Variants in PHF24 observed in about 807,000 individuals in gnomAD.
PHF24 encodes the protein PHD finger protein 24.
A neutral mutation model predicts 42.6 loss-of-function variants in PHF24; 25 were observed. The ratio of observed to expected loss-of-function variants is 0.59; its 90% CI spans 0.43 to 0.82. The LOEUF is 0.82. Ranked by LOEUF, PHF24 falls within the 40% of genes least tolerant of loss-of-function variation. The pLI is 0.00. For synonymous variants in PHF24, 185 were observed against 204.8 expected, an observed-to-expected ratio of 0.90 and a Z score of 0.83; for missense variants, 470 against 538.1, an observed-to-expected ratio of 0.87 and a Z score of 1.25.
At chr9:34,731,906 A>G in the PHF24 span, among the ~76,000 whole-genome samples, 1 of 151,790 alleles carries the variant, frequency 6.6e-6, no homozygotes, top group African/African-American at 2.4e-5. Flanking sequence ...GCTGGAGTGC[A>G]GTGGCGTGAT....
At chr9:34,762,581 T>C in the PHF24 span, among the ~76,000 whole-genome samples, 4,768 of 142,358 alleles carry the variant, frequency 0.033, 114 homozygotes, top group East Asian at 0.12. Context: ...GAGTTCATTG[T>C]AGATTCTGGA....
At chr9:34,949,614 G>A in the PHF24 span, among the ~76,000 whole-genome samples, 1 of 152,166 alleles carries the variant, frequency 6.6e-6, no homozygotes, top group African/African-American at 2.4e-5. Flanking sequence ...GCCCATCAGT[G>A]ATAGACTGGA....
the PHF24 span, among the ~76,000 whole-genome samples, chr9:34,880,862 A>C: frequency 2.6e-5 from 4 of 152,336 alleles, no homozygotes; most frequent in East Asian, 7.7e-4. Flanking sequence ...CAGACCTAAT[A>C]GATATCTACA....
the PHF24 span, among the ~76,000 whole-genome samples, chr9:34,867,436 CTT>C: frequency 9.6e-5 from 1 of 10,410 alleles, no homozygotes; most frequent in Non-Finnish European, 2.8e-4. Context: ...AGGTAGACCC[CTT>C]CAGGGTCTAC....
the PHF24 span, among the ~76,000 whole-genome samples, chr9:34,951,667 C>T: frequency 6.6e-6 from 1 of 152,210 alleles, no homozygotes; most frequent in African/African-American, 2.4e-5. Flanking sequence ...TCATTTTGAA[C>T]TTCAGACCCC....
At chr9:34,749,250 C>T in the PHF24 span, among the ~76,000 whole-genome samples, 27 of 152,088 alleles carry the variant, frequency 1.8e-4, no homozygotes, top group Middle Eastern at 3.4e-3. Flanking sequence ...TAAGGGTTAT[C>T]GGTCTGAAAG....
the PHF24 span, among the ~76,000 whole-genome samples, chr9:34,764,913 TG>T: frequency 6.6e-6 from 1 of 151,424 alleles, no homozygotes; most frequent in African/African-American, 2.4e-5. Context: ...TTGTTCTCAT[TG>T]GTTTCAAAGA....
upstream of PHF24, among the ~76,000 whole-genome samples, chr9:34,957,366 G>T (rs751984956): frequency 1.3e-5 from 2 of 152,168 alleles, no homozygotes; most frequent in African/African-American, 4.8e-5. Flanking sequence ...AAGGGCTCTC[G>T]ACATATCATT....
the PHF24 span, among the ~76,000 whole-genome samples, chr9:34,845,601 A>C: frequency 6.6e-6 from 1 of 151,610 alleles, no homozygotes; most frequent in South Asian, 2.1e-4. Context: ...ATTTTATTTT[A>C]TTTTCTTATT....
chr9:34,740,443 G>T, the PHF24 span, among the ~76,000 whole-genome samples: 1 of 152,194 alleles, frequency 6.6e-6, no homozygotes, highest in Non-Finnish European at 1.5e-5. Flanking sequence ...GGCACTGCTG[G>T]GGGACCCAGT....
At chr9:34,836,111 G>C in the PHF24 span, 3 of 487,366 alleles carry the variant, frequency 6.2e-6, no homozygotes, top group African/African-American at 2.0e-5. Context: ...TCTTGGAAGA[G>C]TGTGGGCTAG....
chr9:34,972,585 G>A (rs746668392), intron 3 of PHF24, 54 bp downstream of exon 3: 124 of 1,508,582 alleles, frequency 8.2e-5, no homozygotes, highest in South Asian at 2.6e-4. Flanking sequence ...CTGGAGGCCC[G>A]GTCTTAGAAC....
chr9:34,676,125 G>A, the PHF24 span, among the ~76,000 whole-genome samples: 14 of 152,316 alleles, frequency 9.2e-5, no homozygotes, highest in East Asian at 2.5e-3. Flanking sequence ...CCATGGGGAT[G>A]GCCAAGCCCA....
chr9:34,875,337 T>A, the PHF24 span, among the ~76,000 whole-genome samples: 2 of 152,328 alleles, frequency 1.3e-5, no homozygotes, highest in East Asian at 3.9e-4. Context: ...AAAAGTGTAT[T>A]TCTTTAATAA....
exon 6 of PHF24, chr9:34,977,157 G>C: frequency 6.2e-7 from 1 of 1,613,870 alleles, no homozygotes; most frequent in South Asian, 1.1e-5. Flanking sequence ...GGGGCAGTGG[G>C]AGCACCGTCA....
chr9:34,864,354 G>A, the PHF24 span, among the ~76,000 whole-genome samples: 1 of 152,126 alleles, frequency 6.6e-6, no homozygotes, highest in African/African-American at 2.4e-5. Context: ...GGCATCTAAT[G>A]AACTCCCAAG....
chr9:34,918,199 C>G, the PHF24 span: 5 of 1,461,076 alleles, frequency 3.4e-6, no homozygotes, highest in Non-Finnish European at 4.8e-6. Flanking sequence ...GACCATCACC[C>G]CTCTGCCAAC....
the PHF24 span, among the ~76,000 whole-genome samples, chr9:34,926,562 G>C: frequency 6.6e-6 from 1 of 151,758 alleles, no homozygotes; most frequent in African/African-American, 2.4e-5. The surrounding 1 kb of genome is among the most constrained non-coding windows in gnomAD (Gnocchi z 4.3). Context: ...GTAGGTCTGA[G>C]ATGTAAGCAC....
the PHF24 span, chr9:34,691,110 C>T: frequency 6.2e-7 from 1 of 1,612,662 alleles, no homozygotes; most frequent in Non-Finnish European, 8.5e-7. Flanking sequence ...TCCAGAGAAC[C>T]AGCAGGCTGA....
Sources: gnomAD v4.1 joint callset for allele counts (sites outside exome capture counted in the v4.1 genomes callset) on GRCh38, gnomAD v4.1.1 for gene constraint, Gnocchi (gnomAD v3.1) non-coding constraint, MANE v1.5 for transcripts, NCBI Gene and HGNC (gene_info 2026-07-23, HGNC 2026-07-21) for gene names.